The following ACACA variants were observed in gnomAD, a reference collection of about 807,000 sequenced individuals.
The protein encoded by ACACA is acetyl-CoA carboxylase alpha.
A neutral mutation model predicts 296.1 loss-of-function variants in ACACA; 103 were observed. The observed-to-expected ratio is 0.35, with a 90% CI of 0.30 to 0.41. ACACA has a LOEUF of 0.41. ACACA is among the 10% of genes least tolerant of loss of function. The pLI, the probability that ACACA is intolerant of heterozygous loss-of-function variation, is 1.00. For missense variants in ACACA, 1,554 were observed against 2,989.7 expected (o/e 0.52, Z 11.20); for synonymous variants, 953 against 1,038.6 (o/e 0.92, Z 1.58).
intron 3 of ACACA, among the ~76,000 whole-genome samples, chr17:37,291,539 T>C (rs1296455441): frequency 6.6e-6 from 1 of 152,160 alleles, no homozygotes; most frequent in Non-Finnish European, 1.5e-5. Context: ...AAAGCTGTGT[T>C]GGGCCTCATC....
chr17:37,270,078 A>T (rs2082001294), intron 10 of ACACA, among the ~76,000 whole-genome samples: 1 of 152,206 alleles, frequency 6.6e-6, no homozygotes, highest in Non-Finnish European at 1.5e-5. Context: ...TAGTATGGCC[A>T]CATCAACTTG....
chr17:37,230,661 C>A (rs1476003567), intron 25 of ACACA, among the ~76,000 whole-genome samples: 1 of 152,174 alleles, frequency 6.6e-6, no homozygotes, highest in Non-Finnish European at 1.5e-5. Context: ...CAGAACCACC[C>A]ATCTTAAGAT....
chr17:37,374,422 G>A (rs1326152149), intron 1 of ACACA, among the ~76,000 whole-genome samples: 1 of 151,916 alleles, frequency 6.6e-6, no homozygotes, highest in Admixed American at 6.6e-5. Flanking sequence ...AAGTAGCTGG[G>A]ATTACAAACA....
chr17:37,169,738 G>T (rs978577340), intron 41 of ACACA, among the ~76,000 whole-genome samples: 2 of 152,154 alleles, frequency 1.3e-5, no homozygotes, highest in Non-Finnish European at 2.9e-5. Context: ...ATTAATTGAA[G>T]AATAATGACT....
In ACACA at chr17:37,330,482, G is replaced by T. The variant is rs2047825701; in HGVS notation, c.86-57C>A. ...GTTATGAATAATAATCTATATCTGA[G>T]GTCAGCCAGAGGTTATATCTAATAA... On this transcript the variant is annotated intron_variant, in intron 2 of 55. Transcript: ENST00000616317. 3.7e-6 allele frequency: 6 copies of T among 1,603,962 alleles called. No individual in the cohort carries two copies. The Middle Eastern group carries it at 7.0e-4, about 186-fold the overall frequency.
chr17:37,179,108 T>A, intron 41 of ACACA, 152 bp downstream of exon 41: 1 of 981,102 alleles, frequency 1.0e-6, no homozygotes. Flanking sequence ...ACCTAAAAAA[T>A]TAATAATTTC....
chr17:37,336,643 G>T (rs1001263419), intron 2 of ACACA, among the ~76,000 whole-genome samples: 2 of 152,126 alleles, frequency 1.3e-5, no homozygotes, highest in Non-Finnish European at 2.9e-5. Flanking sequence ...CCCTTTGTAT[G>T]GGAGCTCTGT....
At chr17:37,221,043 C>T (rs1407652587) in intron 29 of ACACA, among the ~76,000 whole-genome samples, 1 of 151,988 alleles carries the variant, frequency 6.6e-6, no homozygotes, top group Non-Finnish European at 1.5e-5. Flanking sequence ...ATTTTCATTG[C>T]CTTAGAATAC....
chr17:37,164,701 C>T (rs765019187), intron 41 of ACACA, among the ~76,000 whole-genome samples: 7 of 152,152 alleles, frequency 4.6e-5, no homozygotes, highest in Non-Finnish European at 8.8e-5. Context: ...TTCACACATG[C>T]CCCTCTAACC....
chr17:37,290,428 G>C (rs1266938022), intron 3 of ACACA, among the ~76,000 whole-genome samples: 1 of 152,036 alleles, frequency 6.6e-6, no homozygotes, highest in East Asian at 1.9e-4. Context: ...CTGAGTACTC[G>C]CTATGGGACA....
intron 52 of ACACA, among the ~76,000 whole-genome samples, chr17:37,107,656 T>C (rs1159018946): frequency 6.6e-6 from 1 of 152,232 alleles, no homozygotes; most frequent in Non-Finnish European, 1.5e-5. Context: ...CGGTGCTGCA[T>C]GGCAGGCTGC....
At chr17:37,208,033 T>TA (rs1157194260) in intron 30 of ACACA, among the ~76,000 whole-genome samples, 16 of 152,158 alleles carry the variant, frequency 1.1e-4, no homozygotes, top group African/African-American at 3.1e-4. Context: ...TTTCTTCAAA[T>TA]AAAAAGCTAA....
chr17:37,188,187 AT>A, intron 39 of ACACA, 89 bp downstream of exon 39: 1 of 1,267,374 alleles, frequency 7.9e-7, no homozygotes. Context: ...AACCAATGGG[AT>A]TTGTGAGTGT....
chr17:37,221,441 T>C (rs1011492303), intron 29 of ACACA: 3 of 454,908 alleles, frequency 6.6e-6, no homozygotes, highest in Non-Finnish European at 1.2e-5. Flanking sequence ...AAAATGCTAG[T>C]AAATTCTTTC....
chr17:37,106,427 C>T lies in ACACA; in HGVS notation c.6565+5104G>A, dbSNP rs368634211. Among the ~76,000 whole-genome samples, 4 of 152,286 alleles carry T rather than the reference C, an allele frequency of 2.6e-5. No individual in the cohort carries two copies. The South Asian group carries it at 6.2e-4, about 24-fold the overall frequency. ...GGCCATACCTATCTAAATACACTCA[C>T]ATTTGCATATTGATTTTAACAGCAA... is the stretch of plus-strand genomic sequence containing the variant. On this transcript the variant is annotated intron_variant, in intron 52 of 55. Transcript: ENST00000616317.
In ACACA at chr17:37,182,038, A is replaced by G. The variant is rs912683244; in HGVS notation, c.4777-682T>C. Among the ~76,000 whole-genome samples, 4 of 152,202 alleles carry G rather than the reference A, an allele frequency of 2.6e-5. No individual in the cohort carries two copies. In the East Asian group the frequency reaches 5.8e-4, roughly 22 times the overall value. The stretch of plus-strand genomic sequence containing the variant: ...ATATACTCAGAAATGAAGTACATCA[A>G]CTAACCAGTCTGAGCAGCCCTGGTA... On this transcript the variant is annotated intron_variant, in intron 39 of 55. Transcript: ENST00000616317.
intron 54 of ACACA, among the ~76,000 whole-genome samples, chr17:37,094,786 C>T (rs898258394): frequency 4.6e-5 from 7 of 152,244 alleles, no homozygotes; most frequent in Non-Finnish European, 8.8e-5. Flanking sequence ...CCCGTCCTCA[C>T]GTTCAGTCCT....
rs992459165 is a variant in ACACA at position 37,088,866 on chromosome 17, T to C, written c.7028+72A>G. On this transcript the variant is annotated intron_variant, in intron 55 of 55. Coordinates refer to ENST00000616317, the MANE Select transcript of ACACA (RefSeq NM_198834.3). ...TAAGATTTCTGCGATCATCTCATGA[T>C]TTGTTTGGAAACTTTTTATTCCAAA... 11 of 1,568,368 alleles carry C rather than the reference T, an allele frequency of 7.0e-6. No homozygotes were observed. The African/African-American group carries it at 1.1e-4, about 16-fold the overall frequency.
intron 3 of ACACA, among the ~76,000 whole-genome samples, chr17:37,297,740 G>C (rs1010794693): frequency 6.6e-6 from 1 of 151,724 alleles, no homozygotes; most frequent in African/African-American, 2.4e-5. Context: ...TAGTAGAGAC[G>C]GGGTTTCACC....
Sources: allele counts gnomAD v4.1 joint callset (sites outside exome capture counted in the v4.1 genomes callset), GRCh38; gene constraint gnomAD v4.1.1; transcripts MANE v1.5; gene names NCBI Gene and HGNC (gene_info 2026-07-23, HGNC 2026-07-21).